Variants in TGFBRAP1 observed in about 807,000 individuals in gnomAD.
TGFBRAP1 encodes the protein transforming growth factor-beta receptor-associated protein 1.
A neutral mutation model predicts 83.2 loss-of-function variants in TGFBRAP1; 20 were observed. That is an observed-to-expected ratio of 0.24 (90% CI 0.17 to 0.35). The LOEUF is 0.35. TGFBRAP1 is among the 10% of genes least tolerant of loss of function. The pLI is 1.00. For synonymous variants in TGFBRAP1, 415 were observed against 459.8 expected (o/e 0.90, Z 1.25); for missense variants, 950 against 1,099.4 (o/e 0.86, Z 1.92).
In TGFBRAP1 at chr2:105,269,906, G is replaced by A. The variant is rs1677092302; in HGVS notation, c.1973-201C>T. ...GAATCCAGGTGTTAGTAAAACAGAAGGCAGACTCTACTCAAAAGTATAGCT... is the reference window on the plus strand; with the variant it reads ...GAATCCAGGTGTTAGTAAAACAGAAAGCAGACTCTACTCAAAAGTATAGCT... On this transcript the variant is annotated intron_variant, in intron 10 of 11. Transcript: ENST00000393359. This position sits in a 1 kb window ranked among gnomAD's most constrained non-coding sequence, Gnocchi z 4.1. Among the ~76,000 whole-genome samples the A allele has an allele frequency of 6.6e-6, 1 of 152,112 alleles. No homozygotes were observed. Among genetic ancestry groups the A allele is most frequent in the Non-Finnish European group, 1.5e-5 (1 of 68,026 alleles).
chr2:105,296,535 G>C lies in TGFBRAP1; in HGVS notation c.884-25C>G, dbSNP rs759168233. 2.5e-6 allele frequency: 4 copies of C among 1,593,578 alleles called. No homozygotes were observed. The South Asian group carries it at 4.5e-5, about 18-fold the overall frequency. Reference sequence around the variant, plus strand: ...CCTGTGAAGAAATTCAGCATTGTTGGAAAGAGAAAAAACACACTGCCTGCA... The same window carrying C: ...CCTGTGAAGAAATTCAGCATTGTTGCAAAGAGAAAAAACACACTGCCTGCA... On this transcript the variant is annotated intron_variant, in intron 3 of 11. Transcript: ENST00000393359.
intron 6 of TGFBRAP1, among the ~76,000 whole-genome samples, chr2:105,278,705 A>C (rs1347650469): frequency 6.6e-6 from 1 of 152,136 alleles, no homozygotes; most frequent in Non-Finnish European, 1.5e-5. Context: ...AAACTGGAGT[A>C]AGTTGACCAG....
At chr2:105,280,309 A>T in intron 6 of TGFBRAP1, 73 bp downstream of exon 6, 1 of 1,485,794 alleles carries the variant, frequency 6.7e-7, no homozygotes, top group Admixed American at 1.9e-5. Flanking sequence ...CTTCACGAGG[A>T]TCTCCCCAGC....
chr2:105,314,784 A>T (rs892484520), intron 1 of TGFBRAP1, among the ~76,000 whole-genome samples: 1 of 151,606 alleles, frequency 6.6e-6, no homozygotes, highest in African/African-American at 2.4e-5. Flanking sequence ...CCCCATCTCT[A>T]CTAAAAATAC....
rs936545070 is a variant in TGFBRAP1, at chr2:105,275,619, A to G, written c.1606T>C (p.Cys536Arg). 11 of 1,614,106 alleles carry G rather than the reference A, an allele frequency of 6.8e-6. No homozygotes were observed. Among genetic ancestry groups the G allele is most frequent in the Non-Finnish European group, 9.3e-6 (11 of 1,180,046 alleles). Residue 536 changes from cysteine to arginine, a missense_variant, in exon 8 of 12, where the codon TGC becomes CGC. By Grantham distance (180) the Cys-to-Arg change is radical. Transcript: ENST00000393359. Reference sequence around the variant, plus strand: ...GCCCACACTAGTTCCTCGTCTAAGCAGTAGGTAAGAAAATCCACGATGTAT... The same window carrying G: ...GCCCACACTAGTTCCTCGTCTAAGCGGTAGGTAAGAAAATCCACGATGTAT... Reference protein sequence around the residue: ...YEYIVDFLTYCLDEELVWAYA... With the variant: ...YEYIVDFLTYRLDEELVWAYA...
At chr2:105,258,459 G>A in the TGFBRAP1 span, among the ~76,000 whole-genome samples, 1 of 152,076 alleles carries the variant, frequency 6.6e-6, no homozygotes, top group African/African-American at 2.4e-5. Flanking sequence ...GGCAGAGGAA[G>A]GAGGAATTTG....
chr2:105,294,836 C>T (rs554055779), intron 4 of TGFBRAP1, among the ~76,000 whole-genome samples: 8 of 152,178 alleles, frequency 5.3e-5, no homozygotes, highest in Non-Finnish European at 1.2e-4. Flanking sequence ...AAATGCTACA[C>T]GCTTAAAATG....
In TGFBRAP1 at chr2:105,302,675, T is replaced by C. The variant is rs184291215; in HGVS notation, c.689-3970A>G. On this transcript the variant is annotated intron_variant, in intron 2 of 11. Transcript: ENST00000393359. ...AAGGTTACCTATGGGAGAGGGAGAC[T>C]TGGTAAAAAGCTAGCTGTGAGCTTA... is the stretch of plus-strand genomic sequence containing the variant. Among the ~76,000 whole-genome samples, 37 of 152,340 alleles carry C rather than the reference T, an allele frequency of 2.4e-4. No individual in the cohort carries two copies. In the East Asian group the frequency reaches 6.9e-3, roughly 29 times the overall value.
At chr2:105,298,391 T>C in intron 3 of TGFBRAP1, 120 bp downstream of exon 3, 2 of 1,045,538 alleles carry the variant, frequency 1.9e-6, no homozygotes, top group Middle Eastern at 2.5e-4. Flanking sequence ...GAGACTGTAT[T>C]GGAGTCATCT....
chr2:105,324,164 A>T (rs886451902), intron 1 of TGFBRAP1: 6 of 152,240 alleles, frequency 3.9e-5, no homozygotes, highest in Admixed American at 3.9e-4. Context: ...TGCACTTTAT[A>T]GTGGTATACT....
chr2:105,299,274 C>CT (rs1402357852), intron 2 of TGFBRAP1, among the ~76,000 whole-genome samples: 1 of 152,050 alleles, frequency 6.6e-6, no homozygotes, highest in African/African-American at 2.4e-5. Context: ...GAGTGAGAAC[C>CT]TGTCTAAAAA....
intron 10 of TGFBRAP1, among the ~76,000 whole-genome samples, chr2:105,271,157 C>T (rs1234042600): frequency 6.6e-6 from 1 of 152,198 alleles, no homozygotes; most frequent in Non-Finnish European, 1.5e-5. Flanking sequence ...GTGGGTTCCT[C>T]GGCCCTTCTA....
the TGFBRAP1 span, among the ~76,000 whole-genome samples, chr2:105,257,957 C>A: frequency 6.6e-6 from 1 of 152,164 alleles, no homozygotes; most frequent in African/African-American, 2.4e-5. Flanking sequence ...TGCAGTCTCC[C>A]AACATATACT....
In TGFBRAP1 at chr2:105,266,539, A is replaced by T. The variant is rs1676941477; in HGVS notation, c.*844T>A. On this transcript the variant is annotated 3_prime_UTR_variant, in exon 12 of 12. Transcript: ENST00000393359. ...TCAACGTGTTCGTCATGGAGTTTCA[A>T]ATCAGCAGATGCCATGACAGGAAAG... 6.6e-6 allele frequency: 1 copy of T among 152,262 alleles called. No individual in the cohort carries two copies. The highest frequency in any genetic ancestry group is 1.5e-5 in the Non-Finnish European group (1 of 68,052). 9.4% of individuals were successfully genotyped at this position (152,262 alleles called of 1,614,324 possible).
At chr2:105,292,663 G>A (rs1196333490) in intron 4 of TGFBRAP1, among the ~76,000 whole-genome samples, 1 of 151,222 alleles carries the variant, frequency 6.6e-6, no homozygotes, top group Non-Finnish European at 1.5e-5. Flanking sequence ...GGAGAAGGAG[G>A]GAGAGAGAGA....
At chr2:105,297,836 C>T (rs1443206650) in intron 3 of TGFBRAP1, among the ~76,000 whole-genome samples, 1 of 152,182 alleles carries the variant, frequency 6.6e-6, no homozygotes, top group East Asian at 1.9e-4. Context: ...TTTCAAATGG[C>T]TCAGCAAAAT....
chr2:105,316,460 TGTGC>T (rs1429161573), intron 1 of TGFBRAP1, among the ~76,000 whole-genome samples: 40 of 66,924 alleles, frequency 6.0e-4, no homozygotes, highest in East Asian at 1.6e-3. Context: ...TGTGTGTGTG[TGTGC>T]GCGCGCGCGC....
At chr2:105,290,583 G>C (rs1297471724) in intron 4 of TGFBRAP1, among the ~76,000 whole-genome samples, 1 of 149,766 alleles carries the variant, frequency 6.7e-6, no homozygotes, top group Non-Finnish European at 1.5e-5. Flanking sequence ...GACAGAGAGA[G>C]AGAAAGAGAG....
chr2:105,284,414 G>C lies in TGFBRAP1; in HGVS notation c.1039-16C>G. On this transcript the variant is annotated splice_polypyrimidine_tract_variant and intron_variant, in intron 4 of 11. Coordinates refer to ENST00000393359, the MANE Select transcript of TGFBRAP1 (RefSeq NM_004257.6). ...TGTACATTACCTGCAAGGAAAGACG[G>C]GTGTAATCTCTTAGTGAATCTTGAA... The C allele has an allele frequency of 6.2e-7, 1 of 1,612,402 alleles. No homozygotes were observed. Among genetic ancestry groups the C allele is most frequent in the East Asian group, 2.2e-5 (1 of 44,860 alleles).
Sources: gnomAD v4.1 joint callset for allele counts (sites outside exome capture counted in the v4.1 genomes callset) on GRCh38, gnomAD v4.1.1 for gene constraint, Gnocchi (gnomAD v3.1) non-coding constraint, MANE v1.5 for transcripts, NCBI Gene and HGNC (gene_info 2026-07-23, HGNC 2026-07-21) for gene names.